The following OPCML variants were observed in gnomAD, a reference collection of about 807,000 sequenced individuals.
OPCML encodes the protein opioid-binding protein/cell adhesion molecule.
Under a neutral mutation model 37.8 loss-of-function variants are expected in OPCML, and 13 were observed. The observed-to-expected ratio is 0.34, with a 90% CI of 0.22 to 0.55. OPCML has a LOEUF of 0.55. Ranked by LOEUF, OPCML falls within the 20% of genes least tolerant of loss-of-function variation. The probability of loss-of-function intolerance (pLI) is 0.91; values close to 1 mark genes in which losing one functional copy is unlikely to be tolerated. For missense variants in OPCML, 341 were observed against 435.6 expected (o/e 0.78, Z 1.93); for synonymous variants, 176 against 168.8 (o/e 1.04, Z -0.33).
intron 1 of OPCML, among the ~76,000 whole-genome samples, chr11:133,071,498 A>G (rs1241987439): frequency 2.6e-5 from 4 of 152,176 alleles, no homozygotes; most frequent in Admixed American, 2.6e-4. Context: ...CCAAAGTGCA[A>G]ATTTTGTCAA....
intron 2 of OPCML, among the ~76,000 whole-genome samples, chr11:132,809,995 G>T (rs190900693): frequency 2.0e-5 from 3 of 151,954 alleles, no homozygotes; most frequent in African/African-American, 4.8e-5. Context: ...GACTACAGGC[G>T]CCCGCCACCA....
intron 2 of OPCML, among the ~76,000 whole-genome samples, chr11:132,718,113 C>T (rs1410722302): frequency 1.3e-5 from 2 of 152,146 alleles, no homozygotes; most frequent in Admixed American, 6.5e-5. Flanking sequence ...ACAGCCAACT[C>T]GGTATCTCAG....
At chr11:132,613,437 G>T (rs750399114) in intron 3 of OPCML, among the ~76,000 whole-genome samples, 1 of 152,132 alleles carries the variant, frequency 6.6e-6, no homozygotes, top group Non-Finnish European at 1.5e-5. Flanking sequence ...ACATGCATAC[G>T]GAACAAAACA....
intron 3 of OPCML, among the ~76,000 whole-genome samples, chr11:132,589,385 G>A (rs968737213): frequency 6.6e-6 from 1 of 152,084 alleles, no homozygotes; most frequent in African/African-American, 2.4e-5. Context: ...TTTATTTACT[G>A]TTTATTTTGT....
chr11:133,116,126 G>A (rs10894651), intron 1 of OPCML, among the ~76,000 whole-genome samples: 75,011 of 151,738 alleles, frequency 0.49, 18,598 homozygotes, highest in Middle Eastern at 0.58. Flanking sequence ...CTGCCACCAC[G>A]CCTGGCTAAT....
intron 3 of OPCML, among the ~76,000 whole-genome samples, chr11:132,630,926 C>T (rs1301435990): frequency 2.0e-5 from 3 of 152,040 alleles, no homozygotes; most frequent in Admixed American, 1.3e-4. Flanking sequence ...TAATAAAATA[C>T]TACTCAGCAA....
intron 1 of OPCML, among the ~76,000 whole-genome samples, chr11:133,496,443 G>A (rs1430781083): frequency 6.6e-6 from 1 of 152,016 alleles, no homozygotes; most frequent in Non-Finnish European, 1.5e-5. Flanking sequence ...GAAGAAGGAT[G>A]GTGGTATTTT....
At chr11:133,032,221 T>C (rs1467266630) in intron 1 of OPCML, among the ~76,000 whole-genome samples, 2 of 152,188 alleles carry the variant, frequency 1.3e-5, no homozygotes, top group African/African-American at 4.8e-5. Flanking sequence ...TGGTTAAATA[T>C]CTTCAGTCAA....
At chr11:132,546,846 A>G (rs563161679) in intron 3 of OPCML, among the ~76,000 whole-genome samples, 1 of 152,354 alleles carries the variant, frequency 6.6e-6, no homozygotes, top group South Asian at 2.1e-4. Context: ...GACTGCTCTC[A>G]TACACTGCAC....
chr11:133,320,182 C>T (rs893211591), intron 1 of OPCML, among the ~76,000 whole-genome samples: 5 of 152,182 alleles, frequency 3.3e-5, no homozygotes, highest in Non-Finnish European at 5.9e-5. Flanking sequence ...TTGACTGACA[C>T]ACTTAATTTT....
chr11:133,006,433 A>G (rs1947114526), intron 1 of OPCML: 1 of 985,270 alleles, frequency 1.0e-6, no homozygotes, highest in African/African-American at 1.7e-5. Context: ...GTCCTGCAAC[A>G]ACTGGAAGAC....
chr11:132,725,150 C>T (rs1316728126), intron 2 of OPCML, among the ~76,000 whole-genome samples: 1 of 152,224 alleles, frequency 6.6e-6, no homozygotes. Context: ...ACTGCCCTAG[C>T]AGAGGTTCTC....
intron 1 of OPCML, among the ~76,000 whole-genome samples, chr11:133,451,458 A>C (rs76606585): frequency 2.4e-3 from 372 of 151,894 alleles, no homozygotes; most frequent in Non-Finnish European, 4.2e-3. Flanking sequence ...AACAGAGGAC[A>C]GAGTTTGAAG....
At chr11:132,582,848 T>TGG (rs71067380) in intron 3 of OPCML, among the ~76,000 whole-genome samples, 1 of 107,424 alleles carries the variant, frequency 9.3e-6, no homozygotes, top group South Asian at 3.2e-4. Context: ...TGTTTAAGGT[T>TGG]TTTTTTTTTT....
chr11:132,493,411 G>A (rs139970882), intron 4 of OPCML, among the ~76,000 whole-genome samples: 1 of 152,330 alleles, frequency 6.6e-6, no homozygotes, highest in East Asian at 1.9e-4. Flanking sequence ...TTTCTACACT[G>A]ATCCCCCAGG....
intron 1 of OPCML, among the ~76,000 whole-genome samples, chr11:133,125,804 GACACATGTATATAGTATAT>G (rs1283347747): frequency 4.0e-4 from 56 of 141,728 alleles, no homozygotes; most frequent in Non-Finnish European, 5.9e-4. Flanking sequence ...TGTATATATA[GACACATGTATATAGTATAT>G]ACACATGTAT....
At chr11:132,722,770 G>C (rs1209713305) in intron 2 of OPCML, among the ~76,000 whole-genome samples, 1 of 152,150 alleles carries the variant, frequency 6.6e-6, no homozygotes, top group Non-Finnish European at 1.5e-5. Flanking sequence ...GAAGAGGTCA[G>C]ATCCTAAGTG....
chr11:133,271,045 C>T lies in OPCML; in HGVS notation c.61+261219G>A, dbSNP rs529147492. Among the ~76,000 whole-genome samples, 77 of 152,220 alleles carry T rather than the reference C, an allele frequency of 5.1e-4. No individual in the cohort carries two copies. The South Asian group carries it at 0.013, about 25-fold the overall frequency. Reference sequence around the variant, plus strand: ...ATGCTGAGGCTGATGAGGAAGGTTACGCTGATCTAACACAGTAAGACATCA... The same window carrying T: ...ATGCTGAGGCTGATGAGGAAGGTTATGCTGATCTAACACAGTAAGACATCA... On this transcript the variant is annotated intron_variant, in intron 1 of 7. Transcript: ENST00000524381.
intron 1 of OPCML, among the ~76,000 whole-genome samples, chr11:133,353,661 C>G (rs1415686557): frequency 1.3e-5 from 2 of 152,236 alleles, no homozygotes; most frequent in Admixed American, 6.5e-5. Flanking sequence ...CCACCACTGT[C>G]TAACTGGTAA....
Sources: gnomAD v4.1 joint callset for allele counts (sites outside exome capture counted in the v4.1 genomes callset) on GRCh38, gnomAD v4.1.1 for gene constraint, MANE v1.5 for transcripts, NCBI Gene and HGNC (gene_info 2026-07-23, HGNC 2026-07-21) for gene names.